The following MARF1 variants were observed in gnomAD, a reference collection of about 807,000 sequenced individuals.
MARF1 encodes meiosis regulator and mRNA stability factor 1, also known as limkain-b1.
In MARF1, 24 loss-of-function variants were observed where a neutral mutation model predicts 168.2. The ratio of observed to expected loss-of-function variants is 0.14; its 90% CI spans 0.10 to 0.20. MARF1 has a LOEUF of 0.20. Ranked by LOEUF, MARF1 falls within the 10% of genes least tolerant of loss-of-function variation. MARF1 has a pLI of 1.00. For synonymous variants in MARF1, 868 were observed against 822.4 expected, an observed-to-expected ratio of 1.06 and a Z score of -0.95; for missense variants, 1,744 against 2,143.6, an observed-to-expected ratio of 0.81 and a Z score of 3.68.
intron 1 of MARF1, among the ~76,000 whole-genome samples, chr16:15,639,958 T>C (rs1036158463): frequency 1.3e-5 from 2 of 152,160 alleles, no homozygotes; most frequent in Admixed American, 1.3e-4. Flanking sequence ...TTGAGAGAGG[T>C]AGCCATATCT....
chr16:15,643,082 G>C lies in MARF1; in HGVS notation c.-123C>G, dbSNP rs1228880362. Reference sequence around the variant, plus strand: ...GCCGCCTTCCCCCCGCCCCCCCCAGGCCCTTTGTTTTGATTCCCGACTCCG... The same window carrying C: ...GCCGCCTTCCCCCCGCCCCCCCCAGCCCCTTTGTTTTGATTCCCGACTCCG... On this transcript the variant is annotated 5_prime_UTR_variant, in exon 1 of 27. Transcript: ENST00000396368. 2.0e-4 allele frequency: 55 copies of C among 276,564 alleles called. No homozygotes were observed. The highest frequency in any genetic ancestry group is 7.5e-4 in the African/African-American group (31 of 41,072). The allele number at this position is 276,564 out of a possible 1,614,324, so 17.1% of individuals were successfully genotyped here. A position where few individuals can be genotyped will look rare whatever the true frequency, so the allele number is the denominator to read the frequency against.
intron 16 of MARF1, among the ~76,000 whole-genome samples, chr16:15,612,982 T>C (rs2033704012): frequency 6.6e-6 from 1 of 152,208 alleles, no homozygotes; most frequent in African/African-American, 2.4e-5. Context: ...GGCTGTCAAA[T>C]GCTGTCCCAC....
At chr16:15,640,458 C>G (rs1352264559) in intron 1 of MARF1, among the ~76,000 whole-genome samples, 2 of 152,248 alleles carry the variant, frequency 1.3e-5, no homozygotes, top group African/African-American at 4.8e-5. Flanking sequence ...AATCCCAGCA[C>G]TTTGGGAGGC....
chr16:15,623,180 T>A, intron 10 of MARF1, 57 bp from the exon 11 acceptor site: 2 of 1,346,318 alleles, frequency 1.5e-6, no homozygotes. Context: ...ATATTTAGAT[T>A]TTATCATTTA....
chr16:15,602,511 T>C (rs1049890589), intron 22 of MARF1: 2 of 478,700 alleles, frequency 4.2e-6, no homozygotes, highest in South Asian at 4.2e-5. Flanking sequence ...AAGACGACGA[T>C]GAAGAAGACG....
At chr16:15,624,956 A>G (rs1389352220) in intron 9 of MARF1, 29 bp from the exon 10 acceptor site, 1 of 1,613,568 alleles carries the variant, frequency 6.2e-7, no homozygotes, top group Non-Finnish European at 8.5e-7. Flanking sequence ...TGAAGGCAAA[A>G]GGTCATATGT....
intron 1 of MARF1, among the ~76,000 whole-genome samples, chr16:15,641,654 T>A (rs12449163): frequency 6.6e-6 from 1 of 151,978 alleles, no homozygotes; most frequent in African/African-American, 2.4e-5. Flanking sequence ...ATATAATTTT[T>A]GCAATAATCC....
At chr16:15,602,411 CAAAG>C in intron 22 of MARF1, 2 of 603,120 alleles carry the variant, frequency 3.3e-6, no homozygotes, top group Non-Finnish European at 5.8e-6. Flanking sequence ...AAGACAACAA[CAAAG>C]AAGATGAAGA....
At position 15,625,041 on chromosome 16, in the gene MARF1, C is replaced by T; in HGVS notation, c.2086G>A (p.Glu696Lys). The T allele has an allele frequency of 6.2e-7, 1 of 1,614,178 alleles. No individual in the cohort carries two copies. Residue 696 changes from glutamate to lysine, a missense_variant, in exon 9 of 27, where the codon GAA becomes AAA. Glu to Lys is a moderately conservative substitution (Grantham distance 56, BLOSUM62 1). Transcript: ENST00000396368. The part of the protein sequence containing the change: ...VSTPKNSGVA[E>K]PVYKTSQKKE... ...TTCTGACTGGTTTTGTAAACGGGTT[C>T]TGCCACCCCCGAGTTTTTCGGCGTC...
At chr16:15,602,818 A>G in intron 22 of MARF1, 3 of 328,244 alleles carry the variant, frequency 9.1e-6, no homozygotes, top group Non-Finnish European at 1.8e-5. Context: ...ACACACAGTG[A>G]ACACTGGGGC....
intron 8 of MARF1, 65 bp downstream of exon 8, chr16:15,625,307 A>G: frequency 6.5e-7 from 1 of 1,549,264 alleles, no homozygotes; most frequent in East Asian, 2.3e-5. Flanking sequence ...GCAAGCGGGC[A>G]CGTAAAACAC....
chr16:15,613,437 C>A (rs1268652846), intron 16 of MARF1, among the ~76,000 whole-genome samples: 2 of 151,860 alleles, frequency 1.3e-5, no homozygotes, highest in Middle Eastern at 3.2e-3. Flanking sequence ...ATCACGAGGT[C>A]AGGAGATCGA....
At chr16:15,616,140 G>A in intron 15 of MARF1, 135 bp from the exon 16 acceptor site, 1 of 697,524 alleles carries the variant, frequency 1.4e-6, no homozygotes, top group Non-Finnish European at 2.1e-6. Flanking sequence ...CAGGTTTGAA[G>A]GTTAAAATTA....
intron 21 of MARF1, 46 bp downstream of exon 21, chr16:15,608,245 T>C (rs765576261): frequency 7.7e-7 from 1 of 1,305,000 alleles, no homozygotes; most frequent in Non-Finnish European, 1.1e-6. Flanking sequence ...TCACTGTGAG[T>C]TTTATCCCAT....
chr16:15,640,163 A>G (rs2035856185), intron 1 of MARF1, among the ~76,000 whole-genome samples: 1 of 152,240 alleles, frequency 6.6e-6, no homozygotes, highest in Non-Finnish European at 1.5e-5. Flanking sequence ...ACTATATGTA[A>G]GATTTTAAAA....
At chr16:15,612,883 A>C (rs1244040859) in intron 16 of MARF1, 106 bp from the exon 17 acceptor site, 3 of 836,302 alleles carry the variant, frequency 3.6e-6, no homozygotes, top group Non-Finnish European at 5.9e-6. Flanking sequence ...ATGGGGAAGC[A>C]AACAAAACCA....
chr16:15,611,628 T>C lies in MARF1; in HGVS notation c.3581A>G (p.Gln1194Arg), dbSNP rs1354861547. Residue 1194 changes from glutamine to arginine, a missense_variant, in exon 18 of 27, where the codon CAG (glutamine) becomes CGG (arginine). Gln to Arg is a conservative substitution (Grantham distance 43). Coordinates refer to ENST00000396368, the MANE Select transcript of MARF1 (RefSeq NM_014647.4). ...CTGTGAGAATTCTCTCACAATGACC[T>C]GTTTGCTGGCCTGGGATTTGAGAAG... ...LKLLKSQASK[Q>R]VIVREFSQAY... 1 of 1,614,158 alleles carries C rather than the reference T, an allele frequency of 6.2e-7. No homozygotes were observed. The highest frequency in any genetic ancestry group is 8.5e-7 in the Non-Finnish European group (1 of 1,180,016).
chr16:15,637,026 A>G (rs1190486017), intron 2 of MARF1, among the ~76,000 whole-genome samples: 1 of 152,206 alleles, frequency 6.6e-6, no homozygotes, highest in African/African-American at 2.4e-5. Context: ...TCCAACACAG[A>G]CACAGGAAGC....
At chr16:15,620,302 ACATT>A in intron 13 of MARF1, 145 bp downstream of exon 13, 1 of 467,406 alleles carries the variant, frequency 2.1e-6, no homozygotes, top group Non-Finnish European at 3.9e-6. Context: ...TGTCTGCTAA[ACATT>A]CATTGACATG....
Sources: gnomAD v4.1 joint callset for allele counts (sites outside exome capture counted in the v4.1 genomes callset) on GRCh38, gnomAD v4.1.1 for gene constraint, MANE v1.5 for transcripts, NCBI Gene and HGNC (gene_info 2026-07-23, HGNC 2026-07-21) for gene names.